Variants in THOC1 observed in about 807,000 individuals in gnomAD.
The protein encoded by THOC1 is THO complex subunit 1.
A neutral mutation model predicts 97.3 loss-of-function variants in THOC1; 29 were observed. The ratio of observed to expected loss-of-function variants is 0.30; its 90% CI spans 0.22 to 0.41. The LOEUF (loss-of-function observed/expected upper bound fraction) is 0.41. Among genes scored for constraint, THOC1 ranks in the 10% least tolerant of loss-of-function variants. The pLI, the probability that THOC1 is intolerant of heterozygous loss-of-function variation, is 1.00. For missense variants in THOC1, 529 were observed against 761.9 expected, an observed-to-expected ratio of 0.69 and a Z score of 3.60; for synonymous variants, 255 against 257.0, an observed-to-expected ratio of 0.99 and a Z score of 0.07.
rs774656714 is a variant in THOC1 at position 265,511 on chromosome 18, A to G, written c.74T>C (p.Leu25Ser). 3.8e-6 allele frequency: 6 copies of G among 1,591,938 alleles called. No homozygotes were observed. Among genetic ancestry groups the G allele is most frequent in the Non-Finnish European group, 8.6e-7 (1 of 1,169,284 alleles). Residue 25 changes from leucine to serine, a missense_variant, in exon 2 of 21, where the codon TTG (leucine) becomes TCG (serine). Physicochemically the swap from Leu to Ser is moderately radical, Grantham distance 145 (BLOSUM62 -2). Transcript: ENST00000261600. ...TRFTKSTREA[L>S]NNKNIKPLLS... ...CAATGGCTTGATGTTTTTGTTGTTCAAGGCCTCTCTGGTAGACTTCTAAAA... is the reference window on the plus strand; with the variant it reads ...CAATGGCTTGATGTTTTTGTTGTTCGAGGCCTCTCTGGTAGACTTCTAAAA...
intron 11 of THOC1, among the ~76,000 whole-genome samples, chr18:232,031 G>C (rs560945027): frequency 6.6e-6 from 1 of 152,334 alleles, no homozygotes; most frequent in South Asian, 2.1e-4. Flanking sequence ...TGCTGTTACA[G>C]AGCAAAAGCA....
At chr18:215,374 AAG>A (rs1334971603) in intron 20 of THOC1, 53 bp downstream of exon 20, 36 of 1,377,446 alleles carry the variant, frequency 2.6e-5, no homozygotes, top group Non-Finnish European at 3.6e-5. Flanking sequence ...CCTATCAACA[AAG>A]AACCCCAATC....
Position 215,452 on chromosome 18 carries a change from T to A in THOC1, c.1655A>T (p.Asp552Val). 1 of 1,613,640 alleles carries A rather than the reference T, an allele frequency of 6.2e-7. No homozygotes were observed. Among genetic ancestry groups the A allele is most frequent in the Non-Finnish European group, 8.5e-7 (1 of 1,179,652 alleles). ...ACTTTCATTTTCCTTCAGTAGAGCA[T>A]CATTATCTTCCTCATCTTCATCCTC... Reference protein sequence around the residue: ...TGEDEDEEDNDALLKENESPD... With the variant: ...TGEDEDEEDNVALLKENESPD... Residue 552 changes from aspartate (D) to valine (V), a missense_variant, in exon 20 of 21, where the codon GAT (aspartate) becomes GTT (valine). By Grantham distance (152) the Asp-to-Val change is radical (BLOSUM62 -3). Coordinates refer to ENST00000261600, the MANE Select transcript of THOC1 (RefSeq NM_005131.3).
chr18:228,266 A>G (rs1170548556), intron 11 of THOC1, among the ~76,000 whole-genome samples: 2 of 151,992 alleles, frequency 1.3e-5, no homozygotes, highest in Non-Finnish European at 2.9e-5. Flanking sequence ...CACAACCTCT[A>G]TCCTTCCCAG....
chr18:254,684 AACTTTTTC>A lies in THOC1; in HGVS notation c.521-337_521-330del, dbSNP rs1377054397. 6.6e-6 allele frequency among the ~76,000 whole-genome samples: 1 copy of A among 152,246 alleles called. No homozygotes were observed. The highest frequency in any genetic ancestry group is 1.9e-4 in the East Asian group (1 of 5,190). Reference sequence around the variant, plus strand: ...TTTTGGTAATTCTCACAATATTTCAAACTTTTTCATTATTATTATATCTGTTATGATGA... The same window carrying A: ...TTTTGGTAATTCTCACAATATTTCAAATTATTATTATATCTGTTATGATGA... On this transcript the variant is annotated intron_variant, in intron 7 of 20. Coordinates refer to ENST00000261600, the MANE Select transcript of THOC1 (RefSeq NM_005131.3). The surrounding 1 kb of genome is among the most constrained non-coding windows in gnomAD (Gnocchi z 4.1).
At chr18:244,481 A>C (rs1187278202) in intron 11 of THOC1, 1 of 152,162 alleles carries the variant, frequency 6.6e-6, no homozygotes, top group Non-Finnish European at 1.5e-5. Context: ...ATAAAATTCT[A>C]GATTGAATGT....
chr18:220,604 G>A (rs1387338062), intron 17 of THOC1, among the ~76,000 whole-genome samples: 1 of 152,110 alleles, frequency 6.6e-6, no homozygotes, highest in African/African-American at 2.4e-5. Context: ...CTCTTAGCTG[G>A]AAACTGCTTG....
chr18:260,268 C>T lies in THOC1; in HGVS notation c.293G>A (p.Gly98Glu), dbSNP rs1175916495. 2 of 1,594,422 alleles carry T rather than the reference C, an allele frequency of 1.3e-6. No individual in the cohort carries two copies. Among genetic ancestry groups the T allele is most frequent in the Non-Finnish European group, 8.5e-7 (1 of 1,171,192 alleles). Reference sequence around the variant, plus strand: ...CAAAGGAAGACAATCCAAAACATCTCCCAACAATACAAAAGGTGTAGATGC... The same window carrying T: ...CAAAGGAAGACAATCCAAAACATCTTCCAACAATACAAAAGGTGTAGATGC... ...CTASTPFVLL[G>E]DVLDCLPLDQ... The change falls in exon 5 of 21, where the codon GGA becomes GAA. Residue 98 changes from glycine to glutamate, a missense_variant. This residue lies in a region of THOC1 where 49 missense variants were observed against 91.7 expected (regional missense o/e 0.53). Transcript: ENST00000261600.
rs75352080 is a variant in THOC1 at position 243,126 on chromosome 18, T to C, written c.918+3198A>G. The stretch of plus-strand genomic sequence containing the variant: ...TCACATTCTCTTTGGTACAATTTTG[T>C]GCCTTTTTCTTACTCCTATGGTAAG... On this transcript the variant is annotated intron_variant, in intron 11 of 20. Coordinates refer to ENST00000261600, the MANE Select transcript of THOC1 (RefSeq NM_005131.3). Among the ~76,000 whole-genome samples, 524 of 152,322 alleles carry C rather than the reference T, an allele frequency of 3.4e-3. 21 individuals are homozygous for C. In the East Asian group the frequency reaches 0.079, roughly 23 times the overall value.
chr18:224,902 C>A lies in THOC1; in HGVS notation c.1208+22G>T, dbSNP rs781473135. The A allele has an allele frequency of 1.3e-5, 20 of 1,550,780 alleles. 1 individual carries two copies. In the African/African-American group the frequency reaches 1.8e-4, roughly 14 times the overall value. On this transcript the variant is annotated intron_variant, in intron 15 of 20. Transcript: ENST00000261600. ...GTTCTTGTGATGAGTATGTATTTAC[C>A]TTTCTTTCAGTATGTATTTACCTTT...
chr18:263,690 A>G (rs1197689324), intron 4 of THOC1: 1 of 204,272 alleles, frequency 4.9e-6, no homozygotes, highest in Admixed American at 5.7e-5. Flanking sequence ...TGTTTCTTCC[A>G]TTAGCTCCAC....
At chr18:256,200 A>AT (rs1567855938) in intron 7 of THOC1, among the ~76,000 whole-genome samples, 1 of 151,952 alleles carries the variant, frequency 6.6e-6, no homozygotes, top group African/African-American at 2.4e-5. Flanking sequence ...GGCTATAGCT[A>AT]CATAGTGATT....
At chr18:238,751 T>C (rs1472559533) in intron 11 of THOC1, among the ~76,000 whole-genome samples, 3 of 152,232 alleles carry the variant, frequency 2.0e-5, no homozygotes, top group East Asian at 1.9e-4. Flanking sequence ...ATGACTGTAC[T>C]GTGAAGTAGA....
chr18:234,489 T>C (rs888954777), intron 11 of THOC1, among the ~76,000 whole-genome samples: 4 of 152,238 alleles, frequency 2.6e-5, no homozygotes, highest in Non-Finnish European at 5.9e-5. Flanking sequence ...TTAGATTTTA[T>C]TGAATTTTCT....
At chr18:217,406 T>C (rs1324808645) in intron 18 of THOC1, among the ~76,000 whole-genome samples, 1 of 152,254 alleles carries the variant, frequency 6.6e-6, no homozygotes, top group Non-Finnish European at 1.5e-5. Flanking sequence ...CTGTCAATTA[T>C]ACACATCATT....
intron 11 of THOC1, chr18:244,484 T>C (rs1335986379): frequency 2.0e-5 from 3 of 152,184 alleles, no homozygotes; most frequent in Non-Finnish European, 4.4e-5. Context: ...AAATTCTAGA[T>C]TGAATGTCAT....
chr18:250,883 T>G (rs1311940458), intron 9 of THOC1, among the ~76,000 whole-genome samples: 2 of 152,192 alleles, frequency 1.3e-5, no homozygotes, highest in African/African-American at 4.8e-5. Flanking sequence ...TTGGGCTGTT[T>G]ACACTTCAGG....
intron 11 of THOC1, among the ~76,000 whole-genome samples, chr18:240,615 G>A (rs1911863716): frequency 6.6e-6 from 1 of 152,152 alleles, no homozygotes; most frequent in Non-Finnish European, 1.5e-5. Context: ...AGACTGACAT[G>A]ACTGTCAGCA....
At position 218,959 on chromosome 18, in the gene THOC1, G is replaced by C. The variant is rs1201294802; in HGVS notation, c.1381C>G (p.Pro461Ala). 2 of 1,601,808 alleles carry C rather than the reference G, an allele frequency of 1.2e-6. No homozygotes were observed. The highest frequency in any genetic ancestry group is 3.4e-5 in the Admixed American group (2 of 58,598). ...ACKSETREHMPTLEEFFEEAI... is the reference protein window; with the variant it reads ...ACKSETREHMATLEEFFEEAI... Reference sequence around the variant, plus strand: ...TCTTCAAAGAATTCCTCCAAAGTGGGCATGTGTTCCCTGAGCGGTACAAAA... The same window carrying C: ...TCTTCAAAGAATTCCTCCAAAGTGGCCATGTGTTCCCTGAGCGGTACAAAA... Residue 461 changes from proline to alanine, a missense_variant, in exon 18 of 21, where the codon CCC (proline) becomes GCC (alanine). Coordinates refer to ENST00000261600, the MANE Select transcript of THOC1 (RefSeq NM_005131.3).
Sources: gnomAD v4.1 joint callset for allele counts (sites outside exome capture counted in the v4.1 genomes callset) on GRCh38, gnomAD v4.1.1 for gene constraint, gnomAD v4.1.1 regional missense constraint, Gnocchi (gnomAD v3.1) non-coding constraint, MANE v1.5 for transcripts, NCBI Gene and HGNC (gene_info 2026-07-23, HGNC 2026-07-21) for gene names.